PRELID2: variants seen among roughly 807,000 people sequenced by gnomAD.
PRELID2 encodes the protein PRELI domain containing 2, also known as PRELI domain-containing protein 2.
A neutral mutation model predicts 28.4 loss-of-function variants in PRELID2; 25 were observed. The observed-to-expected ratio is 0.88, with a 90% CI of 0.64 to 1.23. The LOEUF (loss-of-function observed/expected upper bound fraction) is 1.23. Ranked by LOEUF, PRELID2 falls within the 50% of genes most tolerant of loss-of-function variation. The probability of loss-of-function intolerance (pLI) is 0.00; values close to 1 mark genes in which losing one functional copy is unlikely to be tolerated. For synonymous variants in PRELID2, 76 were observed against 71.6 expected (o/e 1.06, Z -0.31); for missense variants, 201 against 214.4 (o/e 0.94, Z 0.39).
At chr5:145,344,128 C>T in the PRELID2 span, among the ~76,000 whole-genome samples, 8 of 151,884 alleles carry the variant, frequency 5.3e-5, no homozygotes, top group African/African-American at 1.9e-4. Flanking sequence ...AAAAATTTAA[C>T]AGGAAAGTGT....
the PRELID2 span, among the ~76,000 whole-genome samples, chr5:145,359,855 AC>A: frequency 6.6e-6 from 1 of 152,192 alleles, no homozygotes; most frequent in Non-Finnish European, 1.5e-5. Context: ...ACCAAGCCCT[AC>A]CCACTCTTCT....
At chr5:145,766,783 T>C (rs1944354726) in intron 5 of PRELID2, among the ~76,000 whole-genome samples, 2 of 152,146 alleles carry the variant, frequency 1.3e-5, no homozygotes, top group Admixed American at 6.5e-5. Flanking sequence ...AGGAGTAACA[T>C]AGACCACAGA....
At chr5:145,784,612 A>T (rs1751863963) in intron 5 of PRELID2, among the ~76,000 whole-genome samples, 1 of 152,208 alleles carries the variant, frequency 6.6e-6, no homozygotes. Context: ...AATTTATTCC[A>T]ATATTATTCA....
At chr5:145,359,945 A>G in the PRELID2 span, among the ~76,000 whole-genome samples, 1 of 152,168 alleles carries the variant, frequency 6.6e-6, no homozygotes, top group African/African-American at 2.4e-5. Flanking sequence ...GACATATTGG[A>G]TTGACCGTGA....
intron 1 of PRELID2, among the ~76,000 whole-genome samples, chr5:145,581,280 A>G (rs894423780): frequency 2.6e-5 from 4 of 152,034 alleles, no homozygotes; most frequent in Non-Finnish European, 5.9e-5. Flanking sequence ...CATAGAAGCC[A>G]TGTGTTGTCA....
intron 1 of PRELID2, among the ~76,000 whole-genome samples, chr5:145,661,694 T>C (rs1006477272): frequency 1.3e-5 from 2 of 148,788 alleles, no homozygotes; most frequent in African/African-American, 4.9e-5. Flanking sequence ...AAAAAACATG[T>C]TATGCTTGCA....
chr5:145,681,173 CGTA>C (rs1391354440), intron 1 of PRELID2, among the ~76,000 whole-genome samples: 1 of 152,136 alleles, frequency 6.6e-6, no homozygotes, highest in African/African-American at 2.4e-5. Flanking sequence ...CTTCCAAAAT[CGTA>C]ATGTCCACAG....
intron 5 of PRELID2, among the ~76,000 whole-genome samples, chr5:145,785,410 G>A (rs1751928547): frequency 6.6e-6 from 1 of 152,088 alleles, no homozygotes; most frequent in South Asian, 2.1e-4. Context: ...TTGATATTTG[G>A]TATACGATTG....
chr5:145,694,975 CA>C (rs1244402593), intron 1 of PRELID2, among the ~76,000 whole-genome samples: 1 of 152,126 alleles, frequency 6.6e-6, no homozygotes, highest in African/African-American at 2.4e-5. Context: ...CATCACCCCC[CA>C]CATAGTTATT....
chr5:145,713,664 AGTGTGTGT>A (rs1755765942), intron 1 of PRELID2, among the ~76,000 whole-genome samples: 4 of 97,368 alleles, frequency 4.1e-5, no homozygotes, highest in South Asian at 3.7e-4. Flanking sequence ...AAGTATATAT[AGTGTGTGT>A]ATATATATAT....
At chr5:145,679,171 C>CTCTA (rs1389784043) in intron 1 of PRELID2, among the ~76,000 whole-genome samples, 3 of 152,278 alleles carry the variant, frequency 2.0e-5, no homozygotes, top group Non-Finnish European at 4.4e-5. Flanking sequence ...GATTGAAACT[C>CTCTA]TCTATCTTTG....
chr5:145,560,646 G>A (rs1488121272), intron 1 of PRELID2, among the ~76,000 whole-genome samples: 1 of 152,178 alleles, frequency 6.6e-6, no homozygotes, highest in Non-Finnish European at 1.5e-5. Flanking sequence ...TTAGCAACCA[G>A]TCCCTTTGCT....
At chr5:145,321,066 A>T in the PRELID2 span, among the ~76,000 whole-genome samples, 1 of 152,218 alleles carries the variant, frequency 6.6e-6, no homozygotes. Flanking sequence ...TATTTAGTCC[A>T]AGAATTGAAA....
chr5:145,612,235 A>G (rs1305669492), intron 1 of PRELID2, among the ~76,000 whole-genome samples: 2 of 152,208 alleles, frequency 1.3e-5, no homozygotes, highest in Non-Finnish European at 1.5e-5. Context: ...ATGTAAGTAA[A>G]TATATTCATG....
the PRELID2 span, among the ~76,000 whole-genome samples, chr5:145,285,149 A>G: frequency 1.3e-5 from 2 of 152,066 alleles, no homozygotes; most frequent in African/African-American, 2.4e-5. Context: ...GGGTGATTCA[A>G]CTTTTTGTCT....
At chr5:145,445,286 C>T in the PRELID2 span, among the ~76,000 whole-genome samples, 2 of 152,076 alleles carry the variant, frequency 1.3e-5, no homozygotes, top group Non-Finnish European at 2.9e-5. Flanking sequence ...GGGTAAAGGA[C>T]AGTCTTCAAT....
At chr5:145,563,105 G>A (rs147052076) in intron 1 of PRELID2, among the ~76,000 whole-genome samples, 27 of 152,314 alleles carry the variant, frequency 1.8e-4, no homozygotes, top group East Asian at 3.9e-4. Flanking sequence ...CATGATCCAC[G>A]CTTGGCCAAT....
rs531017028 is a variant in PRELID2 at position 145,785,427 on chromosome 5, T to C, written c.474+11015A>G. Among the ~76,000 whole-genome samples the C allele has an allele frequency of 3.9e-5, 6 of 152,346 alleles. No homozygotes were observed. In the East Asian group the frequency reaches 7.7e-4, roughly 20 times the overall value. ...GATATTTGGTATACGATTGTTAAGA[T>C]GTCTATAATTTGCTTTAAAATACTT... On this transcript the variant is annotated intron_variant, in intron 5 of 6. Coordinates refer to ENST00000683046, the MANE Select transcript of PRELID2 (RefSeq NM_205846.3).
intron 6 of PRELID2, among the ~76,000 whole-genome samples, chr5:145,762,873 C>G (rs1193281535): frequency 6.6e-6 from 1 of 152,136 alleles, no homozygotes; most frequent in East Asian, 1.9e-4. Flanking sequence ...TTCTCAGTGA[C>G]CTGGCATTTC....
Sources: gnomAD v4.1 joint callset for allele counts (sites outside exome capture counted in the v4.1 genomes callset) on GRCh38, gnomAD v4.1.1 for gene constraint, MANE v1.5 for transcripts, NCBI Gene and HGNC (gene_info 2026-07-23, HGNC 2026-07-21) for gene names.